Variants in DCC observed in about 807,000 individuals in gnomAD.
DCC encodes the protein DCC netrin 1 receptor.
A neutral mutation model predicts 172.5 loss-of-function variants in DCC; 58 were observed. The observed-to-expected ratio is 0.34, with a 90% confidence interval of 0.27 to 0.42. DCC has a LOEUF of 0.42. DCC is among the 10% of genes least tolerant of loss of function. The pLI is 1.00. For synonymous variants in DCC, 709 were observed against 644.5 expected, an observed-to-expected ratio of 1.10 and a Z score of -1.52; for missense variants, 1,740 against 1,791.0, an observed-to-expected ratio of 0.97 and a Z score of 0.51.
intron 7 of DCC, among the ~76,000 whole-genome samples, chr18:53,100,786 T>C (rs1005956373): frequency 6.6e-6 from 1 of 151,770 alleles, no homozygotes; most frequent in Admixed American, 6.6e-5. Flanking sequence ...GTGTAGTAAA[T>C]AACCTAATTC....
At chr18:52,916,958 T>G (rs1465861636) in intron 3 of DCC, among the ~76,000 whole-genome samples, 1 of 151,908 alleles carries the variant, frequency 6.6e-6, no homozygotes, top group Admixed American at 6.6e-5. Flanking sequence ...AGGTGTTTTT[T>G]TAAAAATATT....
At chr18:53,509,939 CACCTGAGGCTTTGT>C (rs2046230249) in intron 27 of DCC, among the ~76,000 whole-genome samples, 1 of 152,170 alleles carries the variant, frequency 6.6e-6, no homozygotes, top group Admixed American at 6.5e-5. Flanking sequence ...TTCATAGAAA[CACCTGAGGCTTTGT>C]ACATTTTTCA....
At chr18:52,830,359 G>T (rs1039082791) in intron 2 of DCC, among the ~76,000 whole-genome samples, 1 of 152,122 alleles carries the variant, frequency 6.6e-6, no homozygotes, top group Admixed American at 6.6e-5. Context: ...TCTTCTTCTA[G>T]TGTGTTCCAA....
intron 1 of DCC, among the ~76,000 whole-genome samples, chr18:52,657,093 G>A (rs1404772653): frequency 1.3e-5 from 2 of 152,172 alleles, no homozygotes; most frequent in East Asian, 1.9e-4. Flanking sequence ...CAAGATTAAA[G>A]TGAGTGACCC....
chr18:53,453,082 A>G (rs1372953203), intron 23 of DCC, among the ~76,000 whole-genome samples: 1 of 151,686 alleles, frequency 6.6e-6, no homozygotes, highest in Non-Finnish European at 1.5e-5. Context: ...CGCCCAGCTA[A>G]TTTCTTGAAT....
chr18:52,974,905 C>T (rs2041092644), intron 5 of DCC, among the ~76,000 whole-genome samples: 1 of 152,144 alleles, frequency 6.6e-6, no homozygotes, highest in Non-Finnish European at 1.5e-5. Flanking sequence ...ACATACAAAA[C>T]ACTCCAGACA....
chr18:52,820,010 A>G (rs537439375), intron 2 of DCC, among the ~76,000 whole-genome samples: 1 of 152,208 alleles, frequency 6.6e-6, no homozygotes, highest in South Asian at 2.1e-4. Flanking sequence ...GTGAGCCACC[A>G]CGCCCAGCCA....
At chr18:52,655,788 A>T (rs1374012815) in intron 1 of DCC, among the ~76,000 whole-genome samples, 1 of 152,054 alleles carries the variant, frequency 6.6e-6, no homozygotes, top group Non-Finnish European at 1.5e-5. Flanking sequence ...ATCCATTAAA[A>T]ACAAACAAAC....
intron 1 of DCC, among the ~76,000 whole-genome samples, chr18:52,506,870 T>G (rs925780516): frequency 7.9e-5 from 12 of 152,156 alleles, no homozygotes; most frequent in Admixed American, 3.3e-4. Context: ...GAATTTAAAG[T>G]GACAGTTGTT....
At position 52,992,797 on chromosome 18, in the gene DCC, G is replaced by A. The variant is rs571541297; in HGVS notation, c.985+67427G>A. ...TTGAGACCACCCTGGCCAACATGGC[G>A]AAATCACATCTCTACCAAAATTACA... On this transcript the variant is annotated intron_variant, in intron 5 of 28. Coordinates refer to ENST00000442544, the MANE Select transcript of DCC (RefSeq NM_005215.4). Among the ~76,000 whole-genome samples, 37 of 152,084 alleles carry A rather than the reference G, an allele frequency of 2.4e-4. No individual in the cohort carries two copies. The South Asian group carries it at 6.9e-3, about 28-fold the overall frequency.
At chr18:52,780,017 GGGATTTCCAATCTAT>G (rs1478241564) in intron 2 of DCC, among the ~76,000 whole-genome samples, 1 of 152,000 alleles carries the variant, frequency 6.6e-6, no homozygotes, top group Non-Finnish European at 1.5e-5. Flanking sequence ...TTACAGTTTT[GGGATTTCCAATCTAT>G]GGATATAATT....
At chr18:52,617,976 A>G (rs2034415474) in intron 1 of DCC, among the ~76,000 whole-genome samples, 1 of 152,206 alleles carries the variant, frequency 6.6e-6, no homozygotes, top group Admixed American at 6.5e-5. Context: ...AATATGAGAA[A>G]TATAATTTTA....
intron 1 of DCC, among the ~76,000 whole-genome samples, chr18:52,676,864 C>CT (rs1289851138): frequency 6.6e-6 from 1 of 152,130 alleles, no homozygotes; most frequent in African/African-American, 2.4e-5. Context: ...GATCATGTTC[C>CT]TTTTGTCCTT....
intron 7 of DCC, among the ~76,000 whole-genome samples, chr18:53,087,605 A>G (rs1223012179): frequency 1.3e-5 from 2 of 152,156 alleles, no homozygotes; most frequent in Non-Finnish European, 2.9e-5. Context: ...TCTTGAGTTT[A>G]GTTAGATCCC....
At chr18:52,805,648 A>G (rs868330518) in intron 2 of DCC, among the ~76,000 whole-genome samples, 35 of 152,366 alleles carry the variant, frequency 2.3e-4, no homozygotes, top group African/African-American at 7.5e-4. Context: ...AAGTCTACCA[A>G]AGAAACTACT....
intron 1 of DCC, 135 bp from the exon 2 acceptor site, chr18:52,751,919 T>C (rs1401184105): frequency 1.4e-5 from 10 of 735,288 alleles, no homozygotes; most frequent in Non-Finnish European, 2.3e-5. Context: ...TCCTTGATTT[T>C]AGTTTTTATT....
chr18:53,377,253 G>C (rs1333296685), intron 15 of DCC, among the ~76,000 whole-genome samples: 1 of 152,074 alleles, frequency 6.6e-6, no homozygotes, highest in Non-Finnish European at 1.5e-5. Context: ...CAATTCTAGA[G>C]GCTGAGAAGT....
At chr18:52,754,206 AAT>A (rs1305102036) in intron 2 of DCC, 9 of 152,316 alleles carry the variant, frequency 5.9e-5, no homozygotes, top group Admixed American at 2.6e-4. Flanking sequence ...AGAAAGTTGA[AAT>A]CTGAAAGATG....
intron 1 of DCC, among the ~76,000 whole-genome samples, chr18:52,650,317 G>A (rs911826868): frequency 6.6e-6 from 1 of 152,042 alleles, no homozygotes; most frequent in African/African-American, 2.4e-5. Context: ...TATACATAGA[G>A]TATGGAATAG....
Sources: allele counts gnomAD v4.1 joint callset (sites outside exome capture counted in the v4.1 genomes callset), GRCh38; gene constraint gnomAD v4.1.1; transcripts MANE v1.5; gene names NCBI Gene and HGNC (gene_info 2026-07-23, HGNC 2026-07-21).